The following CNTNAP2 variants were observed in gnomAD, a reference collection of about 807,000 sequenced individuals.
CNTNAP2 encodes the protein contactin-associated protein-like 2.
Under a neutral mutation model 155.2 loss-of-function variants are expected in CNTNAP2, and 98 were observed. The ratio of observed to expected loss-of-function variants is 0.63; its 90% CI spans 0.54 to 0.75. CNTNAP2 has a LOEUF of 0.75. Among genes scored for constraint, CNTNAP2 ranks in the 30% least tolerant of loss-of-function variants. The pLI is 0.00. For synonymous variants in CNTNAP2, 651 were observed against 631.2 expected (o/e 1.03, Z -0.47); for missense variants, 1,727 against 1,688.1 (o/e 1.02, Z -0.40).
intron 14 of CNTNAP2, among the ~76,000 whole-genome samples, chr7:147,975,059 A>T (rs71301206): frequency 6.6e-6 from 1 of 150,978 alleles, no homozygotes; most frequent in African/African-American, 2.4e-5. Flanking sequence ...CGTATAATAC[A>T]ATTTTTTGTA....
At chr7:146,650,832 A>G (rs1455301456) in intron 1 of CNTNAP2, among the ~76,000 whole-genome samples, 2 of 152,164 alleles carry the variant, frequency 1.3e-5, no homozygotes, top group East Asian at 1.9e-4. Flanking sequence ...TTTACAAAGT[A>G]TAGGAGATAA....
Position 147,167,146 on chromosome 7 carries a change from A to G in CNTNAP2, c.1348+34637A>G, listed in dbSNP as rs1221388020. ...TTTGACATCTACATGAATGGTTAAT[A>G]TCATTGATTCTTGTTATTCCTGTAT... is the stretch of plus-strand genomic sequence containing the variant. On this transcript the variant is annotated intron_variant, in intron 8 of 23. Transcript: ENST00000361727. 3.3e-5 allele frequency among the ~76,000 whole-genome samples: 5 copies of G among 152,190 alleles called. No individual in the cohort carries two copies. The East Asian group carries it at 9.7e-4, about 29-fold the overall frequency.
At chr7:147,484,325 T>A (rs1798474715) in intron 10 of CNTNAP2, among the ~76,000 whole-genome samples, 1 of 152,230 alleles carries the variant, frequency 6.6e-6, no homozygotes, top group Admixed American at 6.5e-5. Context: ...TTTTCTTCTC[T>A]TGTAGTCCTG....
chr7:146,427,676 C>T (rs758128002), intron 1 of CNTNAP2, among the ~76,000 whole-genome samples: 5 of 152,122 alleles, frequency 3.3e-5, no homozygotes, highest in South Asian at 2.1e-4. Context: ...TAGTTACATA[C>T]GTTATTTTGT....
chr7:148,236,312 T>C (rs1172626827), intron 20 of CNTNAP2, among the ~76,000 whole-genome samples: 2 of 152,208 alleles, frequency 1.3e-5, no homozygotes, highest in Admixed American at 1.3e-4. Flanking sequence ...TTAATTTAAA[T>C]GTTACCCGTG....
chr7:146,772,062 C>T (rs1257387893), intron 1 of CNTNAP2, among the ~76,000 whole-genome samples: 1 of 152,006 alleles, frequency 6.6e-6, no homozygotes, highest in East Asian at 1.9e-4. Flanking sequence ...TGCCAAGTAC[C>T]ATTGTTCAGA....
At chr7:146,950,108 A>G (rs1391344778) in intron 3 of CNTNAP2, among the ~76,000 whole-genome samples, 1 of 152,102 alleles carries the variant, frequency 6.6e-6, no homozygotes, top group East Asian at 1.9e-4. Context: ...AATTTCCTAA[A>G]TCCATTAGAA....
chr7:146,353,393 T>G (rs748756006), intron 1 of CNTNAP2, among the ~76,000 whole-genome samples: 18 of 152,202 alleles, frequency 1.2e-4, no homozygotes, highest in Non-Finnish European at 2.1e-4. Flanking sequence ...CTTTTCCCAG[T>G]GTTCTTGAAC....
intron 13 of CNTNAP2, among the ~76,000 whole-genome samples, chr7:147,697,862 A>G (rs1179467638): frequency 6.6e-6 from 1 of 152,142 alleles, no homozygotes; most frequent in Non-Finnish European, 1.5e-5. Flanking sequence ...TAGAAGCAAA[A>G]GGGACTCTTT....
At chr7:148,050,994 C>CT (rs1802879389) in intron 15 of CNTNAP2, among the ~76,000 whole-genome samples, 1 of 152,124 alleles carries the variant, frequency 6.6e-6, no homozygotes, top group East Asian at 1.9e-4. Flanking sequence ...ACAAAATTGC[C>CT]TAGAGACACA....
At chr7:147,096,071 A>G (rs1800525596) in intron 4 of CNTNAP2, among the ~76,000 whole-genome samples, 2 of 152,186 alleles carry the variant, frequency 1.3e-5, no homozygotes. Context: ...TACAGAATTT[A>G]CCTTTTGAAA....
intron 8 of CNTNAP2, among the ~76,000 whole-genome samples, chr7:147,200,731 A>G (rs916414834): frequency 5.9e-5 from 9 of 152,192 alleles, no homozygotes; most frequent in Non-Finnish European, 1.3e-4. Flanking sequence ...CTCTCCCAAC[A>G]TGCATATGTT....
In CNTNAP2 at chr7:146,892,794, A is replaced by C. The variant is rs556261120; in HGVS notation, c.402+52890A>C. 1.1e-4 allele frequency among the ~76,000 whole-genome samples: 16 copies of C among 152,274 alleles called. No individual in the cohort carries two copies. The South Asian group carries it at 1.9e-3, about 18-fold the overall frequency. On this transcript the variant is annotated intron_variant, in intron 3 of 23. Transcript: ENST00000361727. ...CTATCTCAAAGAAAAAAATTATACTATATCAGTTCTTTAATGATTTATTTT... is the reference window on the plus strand; with the variant it reads ...CTATCTCAAAGAAAAAAATTATACTCTATCAGTTCTTTAATGATTTATTTT...
intron 1 of CNTNAP2, among the ~76,000 whole-genome samples, chr7:146,769,501 A>G (rs1393470568): frequency 6.6e-6 from 1 of 152,212 alleles, no homozygotes; most frequent in Non-Finnish European, 1.5e-5. Flanking sequence ...ATGTGCTTGC[A>G]TGGAGTGCTG....
At chr7:146,861,209 T>C (rs1024379044) in intron 3 of CNTNAP2, among the ~76,000 whole-genome samples, 3 of 151,866 alleles carry the variant, frequency 2.0e-5, no homozygotes, top group African/African-American at 7.3e-5. Flanking sequence ...TACAGGCTCA[T>C]GCCCAGCTAA....
In CNTNAP2 at chr7:147,990,336, C is replaced by T. The variant is rs533821101; in HGVS notation, c.2383+12347C>T. Among the ~76,000 whole-genome samples the T allele has an allele frequency of 2.6e-5, 4 of 152,248 alleles. No homozygotes were observed. The East Asian group carries it at 7.7e-4, about 29-fold the overall frequency. On this transcript the variant is annotated intron_variant, in intron 15 of 23. Coordinates refer to ENST00000361727, the MANE Select transcript of CNTNAP2 (RefSeq NM_014141.6). The stretch of plus-strand genomic sequence containing the variant: ...GACAGGTTTATTTTGGAGAACAAAC[C>T]TAAGAGGGGCTTCTGGCTGATTTCA...
intron 1 of CNTNAP2, among the ~76,000 whole-genome samples, chr7:146,551,238 C>T (rs187389949): frequency 1.2e-4 from 19 of 152,124 alleles, no homozygotes; most frequent in Non-Finnish European, 2.5e-4. Context: ...GCTGCACCCA[C>T]CAACTCGTCA....
At chr7:147,287,721 C>T (rs1317522486) in intron 8 of CNTNAP2, among the ~76,000 whole-genome samples, 3 of 152,038 alleles carry the variant, frequency 2.0e-5, no homozygotes, top group East Asian at 1.9e-4. Flanking sequence ...CTAACAGATT[C>T]GCCCAACCTC....
intron 21 of CNTNAP2, among the ~76,000 whole-genome samples, chr7:148,329,768 G>C (rs1472828513): frequency 1.3e-5 from 2 of 152,204 alleles, no homozygotes; most frequent in Non-Finnish European, 2.9e-5. Context: ...TTTAATGACA[G>C]GGACGTTCTT....
Sources: gnomAD v4.1 joint callset for allele counts (sites outside exome capture counted in the v4.1 genomes callset) on GRCh38, gnomAD v4.1.1 for gene constraint, MANE v1.5 for transcripts, NCBI Gene and HGNC (gene_info 2026-07-23, HGNC 2026-07-21) for gene names.